Variants in CHP1 observed in about 807,000 individuals in gnomAD.
The protein encoded by CHP1 is calcineurin like EF-hand protein 1, also known as calcineurin B homologous protein 1.
A neutral mutation model predicts 27.4 loss-of-function variants in CHP1; 11 were observed. That is an observed-to-expected ratio of 0.40 (90% CI 0.25 to 0.67). The LOEUF (loss-of-function observed/expected upper bound fraction) is 0.67, where lower values mean the gene tolerates loss of function less well. Ranked by LOEUF, CHP1 falls within the 30% of genes least tolerant of loss-of-function variation. The pLI, the probability that CHP1 is intolerant of heterozygous loss-of-function variation, is 0.38. For synonymous variants in CHP1, 89 were observed against 87.4 expected, an observed-to-expected ratio of 1.02 and a Z score of -0.10; for missense variants, 169 against 251.3, an observed-to-expected ratio of 0.67 and a Z score of 2.22.
chr15:41,250,593 AAAT>A (rs562875469), intron 2 of CHP1, among the ~76,000 whole-genome samples: 4 of 151,068 alleles, frequency 2.6e-5, no homozygotes, highest in Non-Finnish European at 5.9e-5. Context: ...ATAAATAAAT[AAAT>A]AATAAAGAGG....
intron 5 of CHP1, among the ~76,000 whole-genome samples, chr15:41,271,127 C>T (rs867990642): frequency 8.6e-5 from 13 of 151,848 alleles, no homozygotes; most frequent in Non-Finnish European, 1.2e-4. Context: ...TGGTGGCGGG[C>T]ACCTGTAGTC....
chr15:41,276,966 C>T (rs1395016129), intron 5 of CHP1, among the ~76,000 whole-genome samples: 1 of 152,114 alleles, frequency 6.6e-6, no homozygotes, highest in Non-Finnish European at 1.5e-5. Context: ...GGCTGCAGTG[C>T]CACCAGACAG....
rs2047240369 is a variant in CHP1, at chr15:41,231,427, G to A, written c.45G>A (p.Glu15=). The change falls in exon 1 of 7, where the codon GAG becomes GAA. Residue 15 remains glutamate, a synonymous_variant. Transcript: ENST00000334660. The stretch of plus-strand genomic sequence containing the variant: ...CGTTACTGCGGGACGAAGAGCTCGA[G>A]GAGATCAAGAAGGAGACCGGCTGTG... ...ASTLLRDEEL[E]EIKKETGFSH... is the part of the protein sequence containing the mutation. 1 of 1,604,716 alleles carries A rather than the reference G, an allele frequency of 6.2e-7. No homozygotes were observed. Among genetic ancestry groups the A allele is most frequent in the African/African-American group, 1.3e-5 (1 of 74,996 alleles).
At chr15:41,276,649 T>C (rs1453059429) in intron 5 of CHP1, among the ~76,000 whole-genome samples, 3 of 152,224 alleles carry the variant, frequency 2.0e-5, no homozygotes, top group Non-Finnish European at 4.4e-5. Flanking sequence ...ATTGTGCTTG[T>C]TATTTTTCTC....
intron 1 of CHP1, among the ~76,000 whole-genome samples, chr15:41,242,903 A>G (rs1191860654): frequency 1.3e-5 from 2 of 151,946 alleles, no homozygotes; most frequent in Non-Finnish European, 2.9e-5. Context: ...AGATTGTGCC[A>G]TTGCACTCCA....
intron 3 of CHP1, among the ~76,000 whole-genome samples, chr15:41,260,760 G>A (rs1249123142): frequency 6.6e-6 from 1 of 151,856 alleles, no homozygotes; most frequent in African/African-American, 2.4e-5. Flanking sequence ...TGTGTCCACA[G>A]AATTATGCAT....
intron 2 of CHP1, among the ~76,000 whole-genome samples, chr15:41,252,785 C>G (rs180944426): frequency 3.3e-5 from 5 of 152,196 alleles, no homozygotes; most frequent in African/African-American, 1.2e-4. Context: ...GTACATGGCT[C>G]TGTTCTCAGA....
At chr15:41,240,386 A>G (rs1330133007) in intron 1 of CHP1, among the ~76,000 whole-genome samples, 1 of 152,158 alleles carries the variant, frequency 6.6e-6, no homozygotes, top group Non-Finnish European at 1.5e-5. Context: ...AAAGCAATAT[A>G]GAAAAAGTAT....
chr15:41,236,704 G>A (rs1378681685), intron 1 of CHP1, among the ~76,000 whole-genome samples: 3 of 152,140 alleles, frequency 2.0e-5, no homozygotes, highest in Non-Finnish European at 4.4e-5. Context: ...CCATTTGAAA[G>A]TTGCAGGTAT....
At chr15:41,238,368 C>T (rs182902380) in intron 1 of CHP1, among the ~76,000 whole-genome samples, 86 of 152,022 alleles carry the variant, frequency 5.7e-4, no homozygotes, top group African/African-American at 2.0e-3. Flanking sequence ...GCTTTGTTGC[C>T]CAGGCTAGTT....
At chr15:41,248,142 G>A (rs912342554) in intron 2 of CHP1, among the ~76,000 whole-genome samples, 7 of 151,150 alleles carry the variant, frequency 4.6e-5, no homozygotes, top group African/African-American at 1.7e-4. Context: ...TCTCCATGCT[G>A]GCAATATTTT....
chr15:41,247,328 C>T (rs1443290470), intron 2 of CHP1, among the ~76,000 whole-genome samples: 1 of 150,168 alleles, frequency 6.7e-6, no homozygotes, highest in South Asian at 2.1e-4. Flanking sequence ...AAGATTGCAG[C>T]ACTGCCCTGC....
intron 5 of CHP1, among the ~76,000 whole-genome samples, chr15:41,275,491 A>G (rs540246743): frequency 6.6e-6 from 1 of 152,308 alleles, no homozygotes; most frequent in African/African-American, 2.4e-5. Flanking sequence ...TTATTTAAAA[A>G]ATAATCAGTT....
At chr15:41,270,674 G>A in intron 5 of CHP1, 56 bp downstream of exon 5, 1 of 1,304,958 alleles carries the variant, frequency 7.7e-7, no homozygotes, top group Non-Finnish European at 1.1e-6. Flanking sequence ...TTATTAGTGT[G>A]GGCAGGAACT....
intron 2 of CHP1, among the ~76,000 whole-genome samples, chr15:41,245,029 T>C (rs2047326928): frequency 6.6e-6 from 1 of 152,174 alleles, no homozygotes; most frequent in African/African-American, 2.4e-5. Context: ...GGAAACCCCA[T>C]ACTCATTAAG....
At chr15:41,275,629 A>G (rs754299014) in intron 5 of CHP1, among the ~76,000 whole-genome samples, 1 of 152,090 alleles carries the variant, frequency 6.6e-6, no homozygotes, top group Non-Finnish European at 1.5e-5. Flanking sequence ...AACTATTCAC[A>G]GGCATGATCA....
chr15:41,260,141 G>T (rs2047425068), intron 3 of CHP1, among the ~76,000 whole-genome samples: 1 of 151,162 alleles, frequency 6.6e-6, no homozygotes, highest in Admixed American at 6.6e-5. Flanking sequence ...ACATACCTCA[G>T]CTATTCGGTG....
At chr15:41,274,581 A>G (rs1474436885) in intron 5 of CHP1, among the ~76,000 whole-genome samples, 1 of 152,006 alleles carries the variant, frequency 6.6e-6, no homozygotes, top group Non-Finnish European at 1.5e-5. Flanking sequence ...GATGTTAAAG[A>G]CACCACTACT....
In CHP1 at chr15:41,253,423, GTATTTATTTATTTATTTATT is replaced by G. The variant is rs71732753; in HGVS notation, c.141-3457_141-3438del. ...TATTATTTATTTAACAGTTGACAAA[GTATTTATTTATTTATTTATT>G]TATTTATTTATTTATTTATTTATTT... is the stretch of plus-strand genomic sequence containing the variant. On this transcript the variant is annotated intron_variant, in intron 2 of 6. Transcript: ENST00000334660. Among the ~76,000 whole-genome samples, 143 of 145,270 alleles carry G rather than the reference GTATTTATTTATTTATTTATT, an allele frequency of 9.8e-4. 2 individuals carry two copies. The highest frequency in any genetic ancestry group is 3.5e-3 in the Middle Eastern group (1 of 282).
Sources: gnomAD v4.1 joint callset for allele counts (sites outside exome capture counted in the v4.1 genomes callset) on GRCh38, gnomAD v4.1.1 for gene constraint, MANE v1.5 for transcripts, NCBI Gene and HGNC (gene_info 2026-07-23, HGNC 2026-07-21) for gene names.